Variants in CALN1 observed in about 807,000 individuals in gnomAD.
CALN1 encodes calneuron 1, also known as calcium-binding protein 8.
CALN1 carries 17 observed loss-of-function variants against 30.6 expected under a neutral mutation model. The ratio of observed to expected loss-of-function variants is 0.56; its 90% CI spans 0.38 to 0.83. CALN1 has a LOEUF of 0.83. CALN1 is among the 40% of genes least tolerant of loss of function. CALN1 has a pLI of 0.00. For synonymous variants in CALN1, 156 were observed against 131.4 expected (o/e 1.19, Z -1.28); for missense variants, 291 against 354.9 (o/e 0.82, Z 1.45).
intron 5 of CALN1, among the ~76,000 whole-genome samples, chr7:71,840,241 T>C (rs1789855761): frequency 6.6e-6 from 1 of 152,196 alleles, no homozygotes; most frequent in African/African-American, 2.4e-5. Context: ...AGCAGGAGCA[T>C]TGCTTGAGCC....
intron 5 of CALN1, among the ~76,000 whole-genome samples, chr7:71,947,939 A>AAAC (rs1026663507): frequency 2.6e-5 from 4 of 151,694 alleles, no homozygotes; most frequent in Admixed American, 6.6e-5. Context: ...CGTCTCAAAA[A>AAAC]AAAAAAAAAG....
At chr7:72,504,062 C>G in the CALN1 span, among the ~76,000 whole-genome samples, 1 of 152,208 alleles carries the variant, frequency 6.6e-6, no homozygotes, top group Non-Finnish European at 1.5e-5. Context: ...ACAAACTGCT[C>G]TATCCCGACT....
intron 5 of CALN1, among the ~76,000 whole-genome samples, chr7:72,003,429 G>A (rs368403696): frequency 1.1e-4 from 16 of 152,156 alleles, no homozygotes; most frequent in South Asian, 2.1e-4. Flanking sequence ...AGAGGTGAGC[G>A]GTGGTTAGGA....
At chr7:71,827,775 A>AAAAAAAAAAAAAAT (rs1554347603) in intron 5 of CALN1, among the ~76,000 whole-genome samples, 18 of 140,340 alleles carry the variant, frequency 1.3e-4, no homozygotes, top group African/African-American at 4.3e-4. Context: ...CCATCTTAAA[A>AAAAAAAAAAAAAAT]AAATAAATAA....
chr7:72,136,136 A>AAATAAATAAAT (rs1809494085), intron 3 of CALN1, among the ~76,000 whole-genome samples: 4 of 140,802 alleles, frequency 2.8e-5, no homozygotes, highest in South Asian at 2.4e-4. Flanking sequence ...CTCTGTCTCA[A>AAATAAATAAAT]AAATAAATAA....
chr7:72,236,888 C>T (rs1794506594), intron 3 of CALN1, among the ~76,000 whole-genome samples: 2 of 152,058 alleles, frequency 1.3e-5, no homozygotes, highest in Non-Finnish European at 2.9e-5. Flanking sequence ...TAGGACACCT[C>T]CCCATACTGG....
intron 4 of CALN1, among the ~76,000 whole-genome samples, chr7:72,067,071 GAGCCA>G (rs1804073777): frequency 6.6e-6 from 1 of 152,012 alleles, no homozygotes; most frequent in African/African-American, 2.4e-5. Context: ...TTACAGGTGT[GAGCCA>G]CCACGCCCAG....
At chr7:72,270,005 A>C (rs757454961) in intron 3 of CALN1, among the ~76,000 whole-genome samples, 1 of 152,212 alleles carries the variant, frequency 6.6e-6, no homozygotes, top group African/African-American at 2.4e-5. Context: ...TTAATGATTA[A>C]ACAGATAGGG....
intron 6 of CALN1, among the ~76,000 whole-genome samples, chr7:71,794,611 G>A (rs949984106): frequency 6.6e-6 from 1 of 152,160 alleles, no homozygotes; most frequent in African/African-American, 2.4e-5. Flanking sequence ...AGATCAATGA[G>A]CTAATCAAAG....
rs554654947 is a variant in CALN1 at position 72,295,533 on chromosome 7, TTTCC to T, written c.120-16727_120-16724del. ...TTCCATTTGTTTGTATCCTCTTTTA[TTTCC>T]TTGAGCAGTGGTTTGTAGTTCTCCT... is the stretch of plus-strand genomic sequence containing the variant. On this transcript the variant is annotated intron_variant, in intron 2 of 6. Coordinates refer to ENST00000395275, the MANE Select transcript of CALN1 (RefSeq NM_031468.4). Among the ~76,000 whole-genome samples, 1,107 of 150,182 alleles carry T rather than the reference TTTCC, an allele frequency of 7.4e-3. 8 individuals are homozygous for T. The highest frequency in any genetic ancestry group is 0.017 in the Middle Eastern group (5 of 290).
At chr7:72,391,295 A>G (rs557653794) in intron 2 of CALN1, among the ~76,000 whole-genome samples, 5 of 152,322 alleles carry the variant, frequency 3.3e-5, no homozygotes, top group African/African-American at 1.2e-4. Context: ...GAAAAATGTT[A>G]AGAGATAAAC....
At position 71,944,241 on chromosome 7, in the gene CALN1, G is replaced by A. The variant is rs531520664; in HGVS notation, c.501+79416C>T. Among the ~76,000 whole-genome samples, 6 of 152,208 alleles carry A rather than the reference G, an allele frequency of 3.9e-5. No individual in the cohort carries two copies. The South Asian group carries it at 6.2e-4, about 16-fold the overall frequency. ...GTAGGTGGATCACTTGAGCCCAGGAGTTCAAGATCAACTTGGGCAACATGG... is the reference window on the plus strand; with the variant it reads ...GTAGGTGGATCACTTGAGCCCAGGAATTCAAGATCAACTTGGGCAACATGG... On this transcript the variant is annotated intron_variant, in intron 5 of 6. Coordinates refer to ENST00000395275, the MANE Select transcript of CALN1 (RefSeq NM_031468.4).
chr7:72,233,397 T>A (rs1022003859), intron 3 of CALN1, among the ~76,000 whole-genome samples: 1 of 151,878 alleles, frequency 6.6e-6, no homozygotes, highest in African/African-American at 2.4e-5. Context: ...GAAGGCAGTG[T>A]TCACAAAGAG....
chr7:72,356,583 A>T (rs965832346), intron 2 of CALN1, among the ~76,000 whole-genome samples: 1 of 151,996 alleles, frequency 6.6e-6, no homozygotes, highest in Non-Finnish European at 1.5e-5. Flanking sequence ...ATTGTATAAT[A>T]AGTGCCAATC....
intron 5 of CALN1, among the ~76,000 whole-genome samples, chr7:71,996,515 G>C (rs1262908541): frequency 6.6e-6 from 1 of 152,170 alleles, no homozygotes; most frequent in Non-Finnish European, 1.5e-5. Context: ...AGTTAGCTGA[G>C]GATAATGGCT....
intron 4 of CALN1, 137 bp downstream of exon 4, chr7:72,106,014 G>C: frequency 8.4e-7 from 1 of 1,188,890 alleles, no homozygotes; most frequent in Non-Finnish European, 1.2e-6. Context: ...GAAAAAGCCT[G>C]TTCTAGTCCA....
At chr7:71,960,503 G>C (rs1190098991) in intron 5 of CALN1, among the ~76,000 whole-genome samples, 1 of 152,172 alleles carries the variant, frequency 6.6e-6, no homozygotes, top group African/African-American at 2.4e-5. Context: ...AGAAGATAAT[G>C]ATTGCATTCT....
At chr7:72,211,704 T>C (rs914373059) in intron 3 of CALN1, among the ~76,000 whole-genome samples, 6 of 152,222 alleles carry the variant, frequency 3.9e-5, no homozygotes, top group Non-Finnish European at 7.3e-5. Flanking sequence ...TGACGGTCCC[T>C]GCTGCTAAAA....
chr7:72,205,847 T>G (rs1177427274), intron 3 of CALN1, among the ~76,000 whole-genome samples: 1 of 151,938 alleles, frequency 6.6e-6, no homozygotes, highest in Non-Finnish European at 1.5e-5. Context: ...TTCAATTAAT[T>G]GTATGCTTTA....
Sources: allele counts gnomAD v4.1 joint callset (sites outside exome capture counted in the v4.1 genomes callset), GRCh38; gene constraint gnomAD v4.1.1; transcripts MANE v1.5; gene names NCBI Gene and HGNC (gene_info 2026-07-23, HGNC 2026-07-21).